The following HDAC9 variants were observed in gnomAD, a reference collection of about 807,000 sequenced individuals.
The protein encoded by HDAC9 is MEF-2 interacting transcription repressor (MITR) protein.
Under a neutral mutation model 139.4 loss-of-function variants are expected in HDAC9, and 41 were observed. That is an observed-to-expected ratio of 0.29 (90% confidence interval 0.23 to 0.38). The LOEUF (loss-of-function observed/expected upper bound fraction) is 0.38, where lower values mean the gene tolerates loss of function less well. Among genes scored for constraint, HDAC9 ranks in the 10% least tolerant of loss-of-function variants. HDAC9 has a pLI of 1.00. For synonymous variants in HDAC9, 517 were observed against 476.2 expected, an observed-to-expected ratio of 1.09 and a Z score of -1.12; for missense variants, 1,147 against 1,297.0, an observed-to-expected ratio of 0.88 and a Z score of 1.78.
intron 25 of HDAC9, among the ~76,000 whole-genome samples, chr7:18,988,670 G>C (rs1467200937): frequency 3.9e-5 from 6 of 151,942 alleles, no homozygotes; most frequent in East Asian, 3.9e-4. Flanking sequence ...GGGTGTTAAA[G>C]TCTCCCATTA....
At chr7:18,271,244 TAGAG>T (rs1291321866) in intron 2 of HDAC9, among the ~76,000 whole-genome samples, 1 of 152,202 alleles carries the variant, frequency 6.6e-6, no homozygotes, top group East Asian at 1.9e-4. Context: ...TGTTTTCAAT[TAGAG>T]AGATAATGTG....
chr7:18,700,517 C>G (rs1783392807), intron 12 of HDAC9, among the ~76,000 whole-genome samples: 1 of 152,198 alleles, frequency 6.6e-6, no homozygotes, highest in East Asian at 1.9e-4. Context: ...TCACTCTGAG[C>G]CTTTGCTAGA....
At chr7:18,607,274 A>C (rs74933963) in intron 6 of HDAC9, among the ~76,000 whole-genome samples, 3 of 152,322 alleles carry the variant, frequency 2.0e-5, no homozygotes, top group South Asian at 2.1e-4. Context: ...ATCTAACTCA[A>C]ATATTTTGCT....
intron 21 of HDAC9, 107 bp downstream of exon 21, chr7:18,836,104 C>T (rs556204569): frequency 6.2e-5 from 38 of 614,268 alleles, no homozygotes; most frequent in East Asian, 2.6e-4. Context: ...GGTAAATTAT[C>T]GCTCAAAGCC....
chr7:18,224,806 C>G (rs914808824), intron 2 of HDAC9, among the ~76,000 whole-genome samples: 2 of 151,732 alleles, frequency 1.3e-5, no homozygotes, highest in Non-Finnish European at 2.9e-5. Flanking sequence ...TTACAATAAT[C>G]AAAGAAGGTC....
chr7:18,227,535 G>A (rs1465834872), intron 2 of HDAC9, among the ~76,000 whole-genome samples: 1 of 151,988 alleles, frequency 6.6e-6, no homozygotes, highest in South Asian at 2.1e-4. Flanking sequence ...TTAAAGGCTG[G>A]ACTATTTCAA....
intron 1 of HDAC9, among the ~76,000 whole-genome samples, chr7:18,390,976 C>T (rs1314959897): frequency 6.6e-6 from 1 of 152,138 alleles, no homozygotes; most frequent in Admixed American, 6.5e-5. Flanking sequence ...GTAGTCCCAG[C>T]TACTAGGGAG....
At chr7:18,745,951 G>C (rs544909989) in intron 13 of HDAC9, among the ~76,000 whole-genome samples, 7 of 147,210 alleles carry the variant, frequency 4.8e-5, no homozygotes, top group Admixed American at 3.4e-4. Flanking sequence ...GAGTGCAGTG[G>C]CTCAATCACT....
chr7:18,169,775 G>A (rs1448373211), intron 2 of HDAC9, among the ~76,000 whole-genome samples: 1 of 152,062 alleles, frequency 6.6e-6, no homozygotes, highest in Non-Finnish European at 1.5e-5. Flanking sequence ...CCATATCCAT[G>A]CAAAGGACAT....
chr7:18,231,225 T>G (rs1432131375), intron 2 of HDAC9, among the ~76,000 whole-genome samples: 1 of 152,254 alleles, frequency 6.6e-6, no homozygotes, highest in African/African-American at 2.4e-5. Flanking sequence ...CATTTGTGCA[T>G]TCTTCCCCAA....
At chr7:18,361,185 A>G (rs1464217079) in intron 1 of HDAC9, among the ~76,000 whole-genome samples, 1 of 152,218 alleles carries the variant, frequency 6.6e-6, no homozygotes, top group Non-Finnish European at 1.5e-5. Context: ...AGATATTGAA[A>G]GTTGGAGAGA....
chr7:18,372,152 G>A (rs1784641441), intron 1 of HDAC9, among the ~76,000 whole-genome samples: 3 of 152,230 alleles, frequency 2.0e-5, no homozygotes, highest in Non-Finnish European at 2.9e-5. Flanking sequence ...GCTCAAGTGT[G>A]AGTAGTTCTG....
chr7:18,560,818 C>G (rs530488855), intron 2 of HDAC9, among the ~76,000 whole-genome samples: 1 of 152,150 alleles, frequency 6.6e-6, no homozygotes, highest in East Asian at 1.9e-4. Flanking sequence ...AGAGAGGGAG[C>G]ATTAGCTTGG....
intron 1 of HDAC9, among the ~76,000 whole-genome samples, chr7:18,142,790 G>C (rs552365747): frequency 1.3e-5 from 2 of 152,166 alleles, no homozygotes; most frequent in African/African-American, 4.8e-5. Flanking sequence ...CCTAGAGGAC[G>C]TGGCGGGTCA....
chr7:18,887,335 C>A (rs1009445923), intron 22 of HDAC9, among the ~76,000 whole-genome samples: 1 of 152,150 alleles, frequency 6.6e-6, no homozygotes, highest in African/African-American at 2.4e-5. Context: ...TACTCCTGAT[C>A]TAGGGACCAG....
intron 2 of HDAC9, among the ~76,000 whole-genome samples, chr7:18,246,537 G>A (rs983862273): frequency 3.3e-5 from 5 of 151,906 alleles, no homozygotes; most frequent in African/African-American, 7.3e-5. Context: ...TCAGACTCCC[G>A]GAAATTCCTA....
intron 1 of HDAC9, among the ~76,000 whole-genome samples, chr7:18,418,923 C>T (rs370964298): frequency 2.0e-5 from 3 of 152,060 alleles, no homozygotes; most frequent in Non-Finnish European, 1.5e-5. Context: ...GATTGATTAC[C>T]TAAGACTATT....
chr7:18,282,980 T>TTTTTTTTTTTTTTTTTTTTTGAGACGG (rs1179585272), intron 2 of HDAC9, among the ~76,000 whole-genome samples: 1 of 151,368 alleles, frequency 6.6e-6, no homozygotes, highest in Admixed American at 6.6e-5. Flanking sequence ...TTGAAATTTC[T>TTTTTTTTTTTTTTTTTTTTTGAGACGG]ATCTCAATTT....
intron 2 of HDAC9, among the ~76,000 whole-genome samples, chr7:18,565,251 C>T (rs910639215): frequency 1.3e-5 from 2 of 152,318 alleles, no homozygotes; most frequent in South Asian, 4.1e-4. Context: ...CCGCCTCAGC[C>T]TCCCAAAGTG....
Sources: gnomAD v4.1 joint callset for allele counts (sites outside exome capture counted in the v4.1 genomes callset) on GRCh38, gnomAD v4.1.1 for gene constraint, MANE v1.5 for transcripts, NCBI Gene and HGNC (gene_info 2026-07-23, HGNC 2026-07-21) for gene names.